HNMT: variants seen among roughly 807,000 people sequenced by gnomAD.
The protein encoded by HNMT is histamine N-methyltransferase.
In HNMT, 30 loss-of-function variants were observed where a neutral mutation model predicts 32.1. The observed-to-expected ratio is 0.93, with a 90% CI of 0.70 to 1.27. The LOEUF is 1.27. HNMT is among the 50% of genes most tolerant of loss of function. HNMT has a pLI of 0.00. For missense variants in HNMT, 327 were observed against 346.0 expected, an observed-to-expected ratio of 0.95 and a Z score of 0.43; for synonymous variants, 125 against 119.0, an observed-to-expected ratio of 1.05 and a Z score of -0.33.
In HNMT at chr2:138,013,769, G is replaced by T; in HGVS notation, c.524-6G>T. On this transcript the variant is annotated splice_region_variant and splice_polypyrimidine_tract_variant and intron_variant, in intron 5 of 5. Transcript: ENST00000280097. Reference sequence around the variant, plus strand: ...ATGAAAGCATGACTTGTGTTTTATTGCACAGGAAGCAGTGGCTGGGACAAG... The same window carrying T: ...ATGAAAGCATGACTTGTGTTTTATTTCACAGGAAGCAGTGGCTGGGACAAG... The T allele has an allele frequency of 6.2e-7, 1 of 1,605,292 alleles. No homozygotes were observed. The highest frequency in any genetic ancestry group is 1.7e-4 in the Middle Eastern group (1 of 6,030).
chr2:137,980,717 C>T (rs1386137347), intron 2 of HNMT, among the ~76,000 whole-genome samples: 1 of 152,112 alleles, frequency 6.6e-6, no homozygotes, highest in Non-Finnish European at 1.5e-5. Flanking sequence ...AAACAAATGG[C>T]AACACCCTTT....
At chr2:137,993,021 A>G (rs1192138742) in intron 2 of HNMT, among the ~76,000 whole-genome samples, 2 of 152,132 alleles carry the variant, frequency 1.3e-5, no homozygotes, top group Non-Finnish European at 2.9e-5. Context: ...GAACAACAAA[A>G]AGTCTCCACA....
intron 2 of HNMT, among the ~76,000 whole-genome samples, chr2:138,000,320 C>A (rs73961919): frequency 1.3e-5 from 2 of 152,076 alleles, no homozygotes; most frequent in African/African-American, 4.8e-5. Flanking sequence ...CCCATATGTT[C>A]TCTTCCCTCT....
intron 2 of HNMT, among the ~76,000 whole-genome samples, chr2:137,978,333 TATATA>T (rs1359749851): frequency 1.6e-4 from 23 of 147,086 alleles, no homozygotes; most frequent in Admixed American, 1.1e-3. Flanking sequence ...ATTACATAAT[TATATA>T]ATATATGATT....
At chr2:138,000,089 T>C (rs1047379017) in intron 2 of HNMT, among the ~76,000 whole-genome samples, 1 of 152,144 alleles carries the variant, frequency 6.6e-6, no homozygotes, top group African/African-American at 2.4e-5. Context: ...TGCTTGGAAG[T>C]CCTGCCTTGC....
chr2:137,980,228 G>A (rs1348159395), intron 2 of HNMT, among the ~76,000 whole-genome samples: 2 of 152,036 alleles, frequency 1.3e-5, no homozygotes, highest in African/African-American at 2.4e-5. Flanking sequence ...TAGTAGAGAC[G>A]GGGTTTCACT....
intron 5 of HNMT, among the ~76,000 whole-genome samples, chr2:138,009,671 C>T (rs549603329): frequency 6.6e-6 from 1 of 152,160 alleles, no homozygotes; most frequent in African/African-American, 2.4e-5. Context: ...AATTTCCAAT[C>T]AGACATTTTC....
At position 137,981,190 on chromosome 2, in the gene HNMT, T is replaced by C. The variant is rs3791242; in HGVS notation, c.190+10973T>C. 6.7e-3 allele frequency: 10,804 copies of C among 1,610,264 alleles called. 161 individuals carry two copies. Among genetic ancestry groups the C allele is most frequent in the East Asian group, 0.065 (2,931 of 44,764 alleles). On this transcript the variant is annotated intron_variant, in intron 2 of 5. Coordinates refer to ENST00000280097, the MANE Select transcript of HNMT (RefSeq NM_006895.3). ...TGGCAGGAGATATGGCCACAGTCTT[T>C]AATCCCCTATTTTCTTGACCTGCAG... is the stretch of plus-strand genomic sequence containing the variant.
In HNMT at chr2:137,991,273, G is replaced by A. The variant is rs1580113; in HGVS notation, c.191-9645G>A. 2.7e-3 allele frequency among the ~76,000 whole-genome samples: 416 copies of A among 152,292 alleles called. 1 individual carries two copies. The highest frequency in any genetic ancestry group is 9.2e-3 in the African/African-American group (383 of 41,552). Reference sequence around the variant, plus strand: ...TGGGCCTTTTATGAAAACTTCATTGGATAGGCATGACTGAAGCATGGACAA... The same window carrying A: ...TGGGCCTTTTATGAAAACTTCATTGAATAGGCATGACTGAAGCATGGACAA... On this transcript the variant is annotated intron_variant, in intron 2 of 5. Transcript: ENST00000280097.
chr2:138,011,799 C>T (rs1014384824), intron 5 of HNMT, among the ~76,000 whole-genome samples: 7 of 152,134 alleles, frequency 4.6e-5, no homozygotes, highest in African/African-American at 1.7e-4. Context: ...ACTATTGTGT[C>T]ATGGTTCTAA....
Position 138,015,709 on chromosome 2 carries a change from A to G in HNMT, c.*1579A>G, listed in dbSNP as rs753416412. ...GACAAAGGAAATCTGTGAGGCACAC[A>G]TGATTGATGGGTATGGGGCCATGAA... is the stretch of plus-strand genomic sequence containing the variant. On this transcript the variant is annotated 3_prime_UTR_variant, in exon 6 of 6. Coordinates refer to ENST00000280097, the MANE Select transcript of HNMT (RefSeq NM_006895.3). 3.9e-5 allele frequency: 6 copies of G among 152,178 alleles called. No homozygotes were observed. The highest frequency in any genetic ancestry group is 5.9e-5 in the Non-Finnish European group (4 of 68,032). 9.4% of individuals were successfully genotyped at this position (152,178 alleles called of 1,614,324 possible).
In HNMT at chr2:137,976,438, A is replaced by T. The variant is rs533792847; in HGVS notation, c.190+6221A>T. 3.5e-4 allele frequency among the ~76,000 whole-genome samples: 54 copies of T among 152,306 alleles called. 1 individual carries two copies. In the South Asian group the frequency reaches 0.011, roughly 31 times the overall value. On this transcript the variant is annotated intron_variant, in intron 2 of 5. Coordinates refer to ENST00000280097, the MANE Select transcript of HNMT (RefSeq NM_006895.3). ...TTTTCTTGTGTGTTTGGGCCATCAA[A>T]CGTGCTTTCAGTCTTGAAATCTTGT...
chr2:138,015,982 T>G lies in HNMT; in HGVS notation c.*1852T>G, dbSNP rs540467993. ...TGCAATTGAAACACATAAGCCTTTTTAAAGAGAGAAATTCCCATGAAAACC... is the reference window on the plus strand; with the variant it reads ...TGCAATTGAAACACATAAGCCTTTTGAAAGAGAGAAATTCCCATGAAAACC... On this transcript the variant is annotated 3_prime_UTR_variant, in exon 6 of 6. Transcript: ENST00000280097. The G allele has an allele frequency of 5.3e-5, 8 of 152,104 alleles. No homozygotes were observed. Among genetic ancestry groups the G allele is most frequent in the Admixed American group, 2.0e-4 (3 of 15,254 alleles). 9.4% of individuals were successfully genotyped at this position (152,104 alleles called of 1,614,324 possible). A position where few individuals can be genotyped will look rare whatever the true frequency, so the allele number is the denominator to read the frequency against.
chr2:137,980,940 C>T (rs1680475008), intron 2 of HNMT, among the ~76,000 whole-genome samples: 1 of 152,064 alleles, frequency 6.6e-6, no homozygotes, highest in South Asian at 2.1e-4. Flanking sequence ...TCAGATTGTT[C>T]TTTCTCTGGC....
intron 2 of HNMT, among the ~76,000 whole-genome samples, chr2:137,984,338 A>G (rs1680588724): frequency 6.6e-6 from 1 of 152,200 alleles, no homozygotes; most frequent in South Asian, 2.1e-4. Flanking sequence ...AGTGGCCTGG[A>G]TGAAGTTTCT....
intron 2 of HNMT, among the ~76,000 whole-genome samples, chr2:137,979,782 T>G (rs1201180471): frequency 6.6e-6 from 1 of 152,036 alleles, no homozygotes; most frequent in African/African-American, 2.4e-5. Context: ...AAAATAAAAG[T>G]TTAGGAAGCA....
At chr2:137,998,425 A>G (rs1681059781) in intron 2 of HNMT, among the ~76,000 whole-genome samples, 1 of 152,226 alleles carries the variant, frequency 6.6e-6, no homozygotes, top group Non-Finnish European at 1.5e-5. Context: ...CACTAAGTCA[A>G]CAGGTATAAA....
At chr2:137,991,865 T>C (rs768665472) in intron 2 of HNMT, 65 of 152,206 alleles carry the variant, frequency 4.3e-4, no homozygotes, top group African/African-American at 1.2e-3. Flanking sequence ...GAGGCCCCCA[T>C]TGAAAAAAAA....
intron 2 of HNMT, among the ~76,000 whole-genome samples, chr2:137,998,787 G>A (rs1253623744): frequency 1.3e-5 from 2 of 152,078 alleles, no homozygotes; most frequent in Non-Finnish European, 2.9e-5. Flanking sequence ...AAGCCCTGAG[G>A]GGATATAATT....
Sources: allele counts gnomAD v4.1 joint callset (sites outside exome capture counted in the v4.1 genomes callset), GRCh38; gene constraint gnomAD v4.1.1; transcripts MANE v1.5; gene names NCBI Gene and HGNC (gene_info 2026-07-23, HGNC 2026-07-21).